Variants in ZDHHC21 observed in about 807,000 individuals in gnomAD.
The protein encoded by ZDHHC21 is palmitoyltransferase ZDHHC21.
A neutral mutation model predicts 34.6 loss-of-function variants in ZDHHC21; 15 were observed. The observed-to-expected ratio is 0.43, with a 90% CI of 0.29 to 0.67. ZDHHC21 has a LOEUF of 0.67. ZDHHC21 is among the 30% of genes least tolerant of loss of function. The pLI is 0.14. For synonymous variants in ZDHHC21, 142 were observed against 101.8 expected, an observed-to-expected ratio of 1.40 and a Z score of -2.38; for missense variants, 344 against 327.7, an observed-to-expected ratio of 1.05 and a Z score of -0.38.
chr9:14,623,886 T>C (rs1825751594), intron 8 of ZDHHC21, among the ~76,000 whole-genome samples: 1 of 151,980 alleles, frequency 6.6e-6, no homozygotes, highest in African/African-American at 2.4e-5. Context: ...CCTTACACAG[T>C]CTGGGGAAGA....
At chr9:14,689,321 A>G (rs190914470) in intron 2 of ZDHHC21, among the ~76,000 whole-genome samples, 396 of 152,346 alleles carry the variant, frequency 2.6e-3, no homozygotes, top group African/African-American at 8.6e-3. Context: ...ATAAAGTGTG[A>G]AAGAAAATCA....
At chr9:14,680,767 T>A (rs958353961) in intron 2 of ZDHHC21, among the ~76,000 whole-genome samples, 1 of 152,138 alleles carries the variant, frequency 6.6e-6, no homozygotes, top group East Asian at 1.9e-4. Context: ...AAAGAGAGGC[T>A]CTATCTTCAA....
chr9:14,650,205 G>T lies in ZDHHC21; in HGVS notation c.504+8544C>A, dbSNP rs749154897. ...GAATTGGCAATTGTTAGAATAAATA[G>T]ATTATTCTTATTTCTTTAGAAATAT... On this transcript the variant is annotated intron_variant, in intron 7 of 9. Coordinates refer to ENST00000380916, the MANE Select transcript of ZDHHC21 (RefSeq NM_178566.6). Among the ~76,000 whole-genome samples the T allele has an allele frequency of 2.0e-5, 3 of 151,616 alleles. No homozygotes were observed. In the East Asian group the frequency reaches 5.8e-4, roughly 29 times the overall value.
chr9:14,648,247 C>T (rs768396501), intron 7 of ZDHHC21, among the ~76,000 whole-genome samples: 4 of 152,060 alleles, frequency 2.6e-5, no homozygotes, highest in Non-Finnish European at 5.9e-5. Context: ...CATATTTGGA[C>T]GGTATTTTAG....
At chr9:14,597,435 A>G in the ZDHHC21 span, among the ~76,000 whole-genome samples, 4 of 152,140 alleles carry the variant, frequency 2.6e-5, no homozygotes, top group Non-Finnish European at 5.9e-5. Context: ...GCACAAAGGG[A>G]GCTGAAGCAC....
chr9:14,593,281 G>C, the ZDHHC21 span, among the ~76,000 whole-genome samples: 2 of 151,968 alleles, frequency 1.3e-5, no homozygotes, highest in East Asian at 3.9e-4. Context: ...AAAGAAGATA[G>C]GTTTCCAAAA....
chr9:14,653,832 G>A (rs546192789), intron 7 of ZDHHC21, among the ~76,000 whole-genome samples: 74 of 152,054 alleles, frequency 4.9e-4, no homozygotes, highest in Middle Eastern at 3.4e-3. Context: ...TGACACCTAT[G>A]AGGAAACAGT....
intron 2 of ZDHHC21, among the ~76,000 whole-genome samples, chr9:14,687,314 G>A (rs956150372): frequency 6.6e-6 from 1 of 150,604 alleles, no homozygotes; most frequent in Non-Finnish European, 1.5e-5. Context: ...AATGAGATTC[G>A]TATTTCAGTA....
chr9:14,599,953 T>C, the ZDHHC21 span, among the ~76,000 whole-genome samples: 40 of 152,272 alleles, frequency 2.6e-4, no homozygotes, highest in African/African-American at 9.6e-4. Context: ...TAAATTTCAA[T>C]ACCCCTTCAT....
intron 4 of ZDHHC21, among the ~76,000 whole-genome samples, chr9:14,673,574 G>A (rs551188666): frequency 6.7e-6 from 1 of 150,316 alleles, no homozygotes; most frequent in Middle Eastern, 3.5e-3. Flanking sequence ...TAGTCTGAGT[G>A]CTCAATCCAG....
chr9:14,647,797 T>G (rs1219907429), intron 7 of ZDHHC21, among the ~76,000 whole-genome samples: 3 of 152,152 alleles, frequency 2.0e-5, no homozygotes, highest in African/African-American at 4.8e-5. Flanking sequence ...GAGTGCCTAG[T>G]TTGGTCTTCA....
At chr9:14,603,996 C>A in the ZDHHC21 span, among the ~76,000 whole-genome samples, 1 of 152,124 alleles carries the variant, frequency 6.6e-6, no homozygotes, top group African/African-American at 2.4e-5. Context: ...TCGATATTTA[C>A]AAAGACTTTT....
chr9:14,645,595 GGTGGAGTACAT>G (rs1830158464), intron 7 of ZDHHC21, among the ~76,000 whole-genome samples: 1 of 151,964 alleles, frequency 6.6e-6, no homozygotes. Flanking sequence ...CGGTTGATAA[GGTGGAGTACAT>G]TAAAATTTAA....
intron 7 of ZDHHC21, among the ~76,000 whole-genome samples, chr9:14,656,691 C>G (rs1372330733): frequency 6.6e-6 from 1 of 151,870 alleles, no homozygotes; most frequent in Non-Finnish European, 1.5e-5. Context: ...AAGTAACTGT[C>G]AGATCCCTAG....
chr9:14,591,737 C>T, the ZDHHC21 span, among the ~76,000 whole-genome samples: 101 of 152,180 alleles, frequency 6.6e-4, no homozygotes, highest in African/African-American at 2.3e-3. Flanking sequence ...ATTTCACTCA[C>T]AAAAATACTT....
chr9:14,632,115 G>C (rs902709781), intron 8 of ZDHHC21, among the ~76,000 whole-genome samples: 1 of 150,578 alleles, frequency 6.6e-6, no homozygotes, highest in African/African-American at 2.4e-5. Flanking sequence ...AATATAACAA[G>C]TATGCCTGTA....
chr9:14,689,782 T>A lies in ZDHHC21; in HGVS notation c.-176+555A>T, dbSNP rs115254482. On this transcript the variant is annotated intron_variant, in intron 2 of 9. Transcript: ENST00000380916. ...CCACTGTTTTTTGGGTATGTTTGTCTGAGACAGGGTCTCACTATGTTGTCC... is the reference window on the plus strand; with the variant it reads ...CCACTGTTTTTTGGGTATGTTTGTCAGAGACAGGGTCTCACTATGTTGTCC... Among the ~76,000 whole-genome samples the A allele has an allele frequency of 3.1e-3, 475 of 152,308 alleles. 6 individuals carry two copies. The highest frequency in any genetic ancestry group is 0.011 in the African/African-American group (452 of 41,570).
intron 6 of ZDHHC21, among the ~76,000 whole-genome samples, chr9:14,659,723 T>A (rs1219321613): frequency 6.6e-6 from 1 of 152,182 alleles, no homozygotes; most frequent in Non-Finnish European, 1.5e-5. Context: ...TTTAACTTTG[T>A]CATTAAACCA....
chr9:14,678,789 T>C (rs979553645), intron 3 of ZDHHC21, among the ~76,000 whole-genome samples: 29 of 152,210 alleles, frequency 1.9e-4, no homozygotes, highest in Admixed American at 1.1e-3. Context: ...AAGGGAATGA[T>C]CAAATAAATT....
Sources: gnomAD v4.1 joint callset for allele counts (sites outside exome capture counted in the v4.1 genomes callset) on GRCh38, gnomAD v4.1.1 for gene constraint, MANE v1.5 for transcripts, NCBI Gene and HGNC (gene_info 2026-07-23, HGNC 2026-07-21) for gene names.